Variants in TMEM178B observed in about 807,000 individuals in gnomAD.
TMEM178B encodes the protein transmembrane protein 178B.
A neutral mutation model predicts 31.0 loss-of-function variants in TMEM178B; 5 were observed. The ratio of observed to expected loss-of-function variants is 0.16; its 90% CI spans 0.08 to 0.34. TMEM178B has a LOEUF of 0.34. TMEM178B is among the 10% of genes least tolerant of loss of function. The pLI, the probability that TMEM178B is intolerant of heterozygous loss-of-function variation, is 1.00. For synonymous variants in TMEM178B, 164 were observed against 164.0 expected, an observed-to-expected ratio of 1.00 and a Z score of 0.00; for missense variants, 275 against 400.3, an observed-to-expected ratio of 0.69 and a Z score of 2.67.
At chr7:141,258,469 A>G (rs1206607492) in intron 2 of TMEM178B, among the ~76,000 whole-genome samples, 6 of 150,838 alleles carry the variant, frequency 4.0e-5, no homozygotes, top group Non-Finnish European at 3.0e-5. Context: ...GGTTTAAATA[A>G]TAAATCTTAT....
intron 1 of TMEM178B, among the ~76,000 whole-genome samples, chr7:141,075,683 T>A (rs1794589645): frequency 6.6e-6 from 1 of 152,222 alleles, no homozygotes; most frequent in Non-Finnish European, 1.5e-5. Context: ...ATGTGCAGAT[T>A]TTATGAGTCT....
Position 141,241,214 on chromosome 7 carries a change from T to C in TMEM178B, c.496+28510T>C, listed in dbSNP as rs560206051. 2.6e-5 allele frequency among the ~76,000 whole-genome samples: 4 copies of C among 152,000 alleles called. No individual in the cohort carries two copies. The East Asian group carries it at 7.8e-4, about 29-fold the overall frequency. Reference sequence around the variant, plus strand: ...GTCTCTGAAGTCCATTATATCACTCTGTATGCCTTTTTTTGGTTGAAGAAG... The same window carrying C: ...GTCTCTGAAGTCCATTATATCACTCCGTATGCCTTTTTTTGGTTGAAGAAG... On this transcript the variant is annotated intron_variant, in intron 2 of 3. Coordinates refer to ENST00000565468, the MANE Select transcript of TMEM178B (RefSeq NM_001195278.2).
At chr7:141,470,470 C>G in intron 3 of TMEM178B, 66 bp from the exon 4 acceptor site, 1 of 1,381,254 alleles carries the variant, frequency 7.2e-7, no homozygotes, top group Non-Finnish European at 9.4e-7. Context: ...TTCTCTTTCT[C>G]TCTCCCGCTC....
intron 2 of TMEM178B, among the ~76,000 whole-genome samples, chr7:141,421,162 T>G (rs1338188776): frequency 6.6e-6 from 1 of 152,190 alleles, no homozygotes; most frequent in Non-Finnish European, 1.5e-5. Flanking sequence ...AAAACATCCT[T>G]GCTTATATGT....
intron 2 of TMEM178B, among the ~76,000 whole-genome samples, chr7:141,302,513 T>C (rs1479267444): frequency 6.6e-6 from 1 of 152,172 alleles, no homozygotes; most frequent in Non-Finnish European, 1.5e-5. Flanking sequence ...AATGGGCAGT[T>C]ATTGTTTAAT....
intron 2 of TMEM178B, among the ~76,000 whole-genome samples, chr7:141,342,999 C>T (rs989550614): frequency 2.0e-5 from 3 of 152,224 alleles, no homozygotes; most frequent in Admixed American, 6.5e-5. Context: ...GGGACTCACC[C>T]GGATGGCTCA....
At chr7:141,137,588 C>G (rs1207927691) in intron 1 of TMEM178B, among the ~76,000 whole-genome samples, 1 of 152,062 alleles carries the variant, frequency 6.6e-6, no homozygotes, top group Non-Finnish European at 1.5e-5. Context: ...GAGAGGCTGG[C>G]TAAGTTCTAG....
At chr7:141,376,729 C>T (rs953782173) in intron 2 of TMEM178B, among the ~76,000 whole-genome samples, 3 of 152,160 alleles carry the variant, frequency 2.0e-5, no homozygotes, top group Non-Finnish European at 4.4e-5. Flanking sequence ...TTTGCACCAA[C>T]CTGCTAGAAG....
intron 2 of TMEM178B, among the ~76,000 whole-genome samples, chr7:141,383,173 T>A (rs1414160289): frequency 6.6e-6 from 1 of 151,518 alleles, no homozygotes; most frequent in Non-Finnish European, 1.5e-5. Context: ...TCTTTTTTTT[T>A]AAAGTCTAGC....
chr7:141,323,311 G>A (rs1231070776), intron 2 of TMEM178B, among the ~76,000 whole-genome samples: 1 of 152,058 alleles, frequency 6.6e-6, no homozygotes, highest in Non-Finnish European at 1.5e-5. Flanking sequence ...TATCATCTGG[G>A]TACACAAATA....
chr7:141,104,383 G>A (rs1281029820), intron 1 of TMEM178B, among the ~76,000 whole-genome samples: 1 of 152,170 alleles, frequency 6.6e-6, no homozygotes, highest in African/African-American at 2.4e-5. Flanking sequence ...TCCTCTCCAG[G>A]TGCAAGAATA....
intron 1 of TMEM178B, among the ~76,000 whole-genome samples, chr7:141,189,972 A>G (rs1470100281): frequency 6.6e-6 from 1 of 152,184 alleles, no homozygotes; most frequent in East Asian, 1.9e-4. Flanking sequence ...AAACAGACCC[A>G]TATTCTTTTT....
At chr7:141,105,513 T>TAAACA (rs572886520) in intron 1 of TMEM178B, among the ~76,000 whole-genome samples, 1 of 151,996 alleles carries the variant, frequency 6.6e-6, no homozygotes, top group Non-Finnish European at 1.5e-5. Context: ...TCTCAAAAAC[T>TAAACA]AAACAAAACA....
chr7:141,185,191 G>T (rs1264293830), intron 1 of TMEM178B, among the ~76,000 whole-genome samples: 1 of 152,182 alleles, frequency 6.6e-6, no homozygotes, highest in African/African-American at 2.4e-5. Flanking sequence ...GTGTTACAGG[G>T]TGCTCTTTAG....
intron 2 of TMEM178B, among the ~76,000 whole-genome samples, chr7:141,358,319 A>T (rs1006057225): frequency 6.6e-6 from 1 of 152,124 alleles, no homozygotes; most frequent in African/African-American, 2.4e-5. Context: ...TTATTTGCCC[A>T]TTGCACTGGT....
intron 1 of TMEM178B, among the ~76,000 whole-genome samples, chr7:141,076,864 C>A (rs1405346299): frequency 6.6e-6 from 1 of 152,138 alleles, no homozygotes; most frequent in Non-Finnish European, 1.5e-5. Flanking sequence ...GGCAAGCACC[C>A]GCTTACCATG....
intron 2 of TMEM178B, among the ~76,000 whole-genome samples, chr7:141,355,181 G>A (rs571318463): frequency 1.3e-5 from 2 of 152,230 alleles, no homozygotes; most frequent in South Asian, 4.2e-4. Context: ...ACTTTCTAGG[G>A]CCGTCTCCAG....
chr7:141,080,175 C>A (rs184919211), intron 1 of TMEM178B, among the ~76,000 whole-genome samples: 1 of 152,190 alleles, frequency 6.6e-6, no homozygotes, highest in African/African-American at 2.4e-5. Context: ...TTATTTACTT[C>A]GCTTGCTGTG....
At chr7:141,391,179 T>G (rs564112616) in intron 2 of TMEM178B, among the ~76,000 whole-genome samples, 1 of 152,086 alleles carries the variant, frequency 6.6e-6, no homozygotes, top group East Asian at 1.9e-4. Context: ...CCCCTGCTTT[T>G]TTTTTGAGAC....
Sources: gnomAD v4.1 joint callset for allele counts (sites outside exome capture counted in the v4.1 genomes callset) on GRCh38, gnomAD v4.1.1 for gene constraint, MANE v1.5 for transcripts, NCBI Gene and HGNC (gene_info 2026-07-23, HGNC 2026-07-21) for gene names.